SORBS2: variants seen among roughly 807,000 people sequenced by gnomAD.
SORBS2 encodes the protein sorbin and SH3 domain containing 2, also known as sorbin and SH3 domain-containing protein 2.
In SORBS2, 46 loss-of-function variants were observed where a neutral mutation model predicts 97.7. That is an observed-to-expected ratio of 0.47 (90% CI 0.37 to 0.60). The LOEUF is 0.60. Ranked by LOEUF, SORBS2 falls within the 20% of genes least tolerant of loss-of-function variation. SORBS2 has a pLI of 0.00. For missense variants in SORBS2, 1,316 were observed against 1,282.3 expected (o/e 1.03, Z -0.40); for synonymous variants, 476 against 473.4 (o/e 1.01, Z -0.07).
At chr4:185,710,466 T>C (rs2098408760) in intron 2 of SORBS2, among the ~76,000 whole-genome samples, 1 of 152,268 alleles carries the variant, frequency 6.6e-6, no homozygotes, top group South Asian at 2.1e-4. Flanking sequence ...CTGTTCTCAA[T>C]CGACTGTGTC....
chr4:185,694,369 C>T (rs377445472), intron 2 of SORBS2, among the ~76,000 whole-genome samples: 2 of 152,174 alleles, frequency 1.3e-5, no homozygotes, highest in South Asian at 2.1e-4. Flanking sequence ...TGAGAACTGA[C>T]CATAACATGG....
At chr4:185,800,087 A>G (rs898594102) in intron 1 of SORBS2, among the ~76,000 whole-genome samples, 2 of 152,128 alleles carry the variant, frequency 1.3e-5, no homozygotes, top group African/African-American at 4.8e-5. Context: ...CTAGCTGCTC[A>G]GGAGGCTGAG....
chr4:185,707,987 C>T (rs986878476), intron 2 of SORBS2, among the ~76,000 whole-genome samples: 2 of 152,168 alleles, frequency 1.3e-5, no homozygotes, highest in Non-Finnish European at 2.9e-5. Flanking sequence ...TCACAAACAT[C>T]CCTGAGCACT....
At chr4:185,698,564 A>G (rs2098213161) in intron 2 of SORBS2, among the ~76,000 whole-genome samples, 1 of 152,222 alleles carries the variant, frequency 6.6e-6, no homozygotes, top group Non-Finnish European at 1.5e-5. Flanking sequence ...CTTTCCCTTT[A>G]AAATATTACA....
chr4:185,627,507 T>G (rs2096835744), intron 5 of SORBS2, among the ~76,000 whole-genome samples: 1 of 152,198 alleles, frequency 6.6e-6, no homozygotes, highest in African/African-American at 2.4e-5. Flanking sequence ...CGTGAACCAC[T>G]GTGCCCGGAC....
At chr4:185,866,778 T>C (rs2099227116) in intron 1 of SORBS2, among the ~76,000 whole-genome samples, 1 of 152,240 alleles carries the variant, frequency 6.6e-6, no homozygotes, top group Admixed American at 6.5e-5. Context: ...ATTTATTTTA[T>C]CACTATTGCT....
intron 1 of SORBS2, among the ~76,000 whole-genome samples, chr4:185,825,168 G>A (rs555916683): frequency 1.3e-5 from 2 of 151,710 alleles, no homozygotes; most frequent in Non-Finnish European, 2.9e-5. Context: ...GAATTATTAG[G>A]CACATGGGGA....
chr4:185,678,376 T>C, intron 4 of SORBS2, 47 bp downstream of exon 7: 7 of 1,489,148 alleles, frequency 4.7e-6, no homozygotes, highest in Non-Finnish European at 6.3e-6. Flanking sequence ...AGTGGTCTAA[T>C]AATCATGCCT....
chr4:185,723,390 G>A (rs1277275241), intron 2 of SORBS2, among the ~76,000 whole-genome samples: 2 of 152,132 alleles, frequency 1.3e-5, no homozygotes, highest in African/African-American at 4.8e-5. Flanking sequence ...TATAGAACAG[G>A]GTATGTTTTA....
At position 185,684,269 on chromosome 4, in the gene SORBS2, T is replaced by C. The variant is rs1376030964; in HGVS notation, c.-197-5447A>G. Among the ~76,000 whole-genome samples, 3 of 152,218 alleles carry C rather than the reference T, an allele frequency of 2.0e-5. No homozygotes were observed. The highest frequency in any genetic ancestry group is 4.4e-5 in the Non-Finnish European group (3 of 68,030). ...CAGTGACTTCCTATCTGTGGGTACA[T>C]GTGAATCTTAATTGGTCAAGATTTT... On this transcript the variant is annotated intron_variant, in intron 2 of 20. Coordinates refer to the SORBS2 transcript ENST00000284776. The surrounding 1 kb of genome is among the most constrained non-coding windows in gnomAD (Gnocchi z 4.2).
chr4:185,940,309 G>A (rs1410442014), intron 1 of SORBS2, among the ~76,000 whole-genome samples: 1 of 152,170 alleles, frequency 6.6e-6, no homozygotes, highest in Non-Finnish European at 1.5e-5. Context: ...ATGGCACACG[G>A]CCTAGACAGA....
intron 12 of SORBS2, chr4:185,605,931 TA>T: frequency 8.4e-6 from 2 of 238,394 alleles, no homozygotes. Flanking sequence ...CTTTGTTGAT[TA>T]AAACCACTGT....
At chr4:185,737,100 T>C (rs7669744) in intron 2 of SORBS2, among the ~76,000 whole-genome samples, 75,842 of 152,084 alleles carry the variant, frequency 0.5, 19,557 homozygotes, top group East Asian at 0.66. Flanking sequence ...TGCTCACTGG[T>C]GTCAGAATTG....
At chr4:185,659,652 A>C (rs2097482616), upstream of SORBS2, among the ~76,000 whole-genome samples, 1 of 151,632 alleles carries the variant, frequency 6.6e-6, no homozygotes, top group South Asian at 2.1e-4. Context: ...CGATCTCCTG[A>C]CCTCGTGATC....
At chr4:185,680,782 C>T (rs1481268963) in intron 2 of SORBS2, among the ~76,000 whole-genome samples, 1 of 152,040 alleles carries the variant, frequency 6.6e-6, no homozygotes, top group East Asian at 1.9e-4. Context: ...GTCTGAAGGA[C>T]ACTAGAAATA....
At chr4:185,605,188 C>T (rs1365585949) in intron 12 of SORBS2, among the ~76,000 whole-genome samples, 4 of 152,168 alleles carry the variant, frequency 2.6e-5, no homozygotes, top group African/African-American at 2.4e-5. Flanking sequence ...TGGATAGTAG[C>T]GTAATAGGAA....
chr4:185,593,061 T>C (rs1305757807), intron 13 of SORBS2: 1 of 152,344 alleles, frequency 6.6e-6, no homozygotes, highest in East Asian at 1.9e-4. Context: ...GAGGCTATTG[T>C]TAGCCTGTTC....
chr4:185,677,238 T>A (rs749887573), intron 4 of SORBS2: 1 of 1,551,766 alleles, frequency 6.4e-7, no homozygotes, highest in Admixed American at 2.0e-5. Flanking sequence ...TTTGGAGAAC[T>A]GTGGAGTACT....
Position 185,627,379 on chromosome 4 carries a change from T to G in SORBS2, c.447-360A>C, listed in dbSNP as rs533254151. Among the ~76,000 whole-genome samples, 7 of 152,166 alleles carry G rather than the reference T, an allele frequency of 4.6e-5. No individual in the cohort carries two copies. In the South Asian group the frequency reaches 1.5e-3, roughly 32 times the overall value. ...TGGGTGCCACCTCACCTGGCTAATT[T>G]TTTTAAATTTGTTATTTATGTAGAG... On this transcript the variant is annotated intron_variant, in intron 5 of 14. Coordinates refer to ENST00000418609, the Ensembl canonical transcript of SORBS2.
Sources: gnomAD v4.1 joint callset for allele counts (sites outside exome capture counted in the v4.1 genomes callset) on GRCh38, gnomAD v4.1.1 for gene constraint, Gnocchi (gnomAD v3.1) non-coding constraint, MANE v1.5 for transcripts, NCBI Gene and HGNC (gene_info 2026-07-23, HGNC 2026-07-21) for gene names.